The following SHISA9 variants were observed in gnomAD, a reference collection of about 807,000 sequenced individuals.
SHISA9 encodes shisa family member 9, also known as protein shisa-9.
SHISA9 carries 13 observed loss-of-function variants against 38.0 expected under a neutral mutation model. That is an observed-to-expected ratio of 0.34 (90% CI 0.22 to 0.54). SHISA9 has a LOEUF of 0.54. Among genes scored for constraint, SHISA9 ranks in the 20% least tolerant of loss-of-function variants. The pLI, the probability that SHISA9 is intolerant of heterozygous loss-of-function variation, is 0.91. For synonymous variants in SHISA9, 275 were observed against 242.0 expected, an observed-to-expected ratio of 1.14 and a Z score of -1.27; for missense variants, 538 against 575.8, an observed-to-expected ratio of 0.93 and a Z score of 0.67.
intron 2 of SHISA9, among the ~76,000 whole-genome samples, chr16:13,123,843 G>A (rs1230543464): frequency 6.6e-6 from 1 of 152,190 alleles, no homozygotes. Context: ...TGTATGAGCT[G>A]TGGGAACTGG....
intron 2 of SHISA9, among the ~76,000 whole-genome samples, chr16:12,960,242 G>C (rs1050604015): frequency 6.6e-6 from 1 of 152,112 alleles, no homozygotes; most frequent in East Asian, 1.9e-4. Flanking sequence ...AATGTCTAGC[G>C]TAGTGCCAGG....
the SHISA9 span, among the ~76,000 whole-genome samples, chr16:13,340,844 T>TCTG: frequency 6.6e-6 from 1 of 152,134 alleles, no homozygotes; most frequent in South Asian, 2.1e-4. Context: ...TGCTGTTCCT[T>TCTG]CTGCAGGGAA....
At chr16:13,381,906 A>C in the SHISA9 span, among the ~76,000 whole-genome samples, 6 of 152,230 alleles carry the variant, frequency 3.9e-5, no homozygotes, top group Admixed American at 3.3e-4. Flanking sequence ...AATGAATTTT[A>C]AAATAGGTAA....
the SHISA9 span, among the ~76,000 whole-genome samples, chr16:13,249,982 C>G: frequency 6.6e-6 from 1 of 152,190 alleles, no homozygotes; most frequent in Middle Eastern, 3.2e-3. Context: ...AATGCTTCCG[C>G]CTCGGTCTGC....
the SHISA9 span, among the ~76,000 whole-genome samples, chr16:13,359,458 A>G: frequency 6.6e-6 from 1 of 152,218 alleles, no homozygotes; most frequent in Non-Finnish European, 1.5e-5. Context: ...ATTCCTGCCT[A>G]GGTGACAGAG....
the SHISA9 span, among the ~76,000 whole-genome samples, chr16:13,382,830 C>T: frequency 6.6e-6 from 1 of 152,290 alleles, no homozygotes; most frequent in African/African-American, 2.4e-5. Flanking sequence ...TGCACTCCAG[C>T]CTGGGTGATA....
intron 2 of SHISA9, among the ~76,000 whole-genome samples, chr16:13,022,075 G>A (rs1043058579): frequency 1.3e-5 from 2 of 152,138 alleles, no homozygotes; most frequent in Non-Finnish European, 2.9e-5. Flanking sequence ...GCTTGTGGGT[G>A]CATAATTCCA....
intron 2 of SHISA9, among the ~76,000 whole-genome samples, chr16:13,193,894 G>A (rs548809533): frequency 1.3e-5 from 2 of 152,158 alleles, no homozygotes; most frequent in Non-Finnish European, 2.9e-5. Flanking sequence ...TTCTTAACTG[G>A]CTCAGCTGCC....
the SHISA9 span, among the ~76,000 whole-genome samples, chr16:13,341,166 A>G: frequency 6.6e-6 from 1 of 152,210 alleles, no homozygotes; most frequent in African/African-American, 2.4e-5. Flanking sequence ...GTAGATACTC[A>G]ATAAATACTT....
intron 2 of SHISA9, among the ~76,000 whole-genome samples, chr16:12,941,749 G>A (rs148623440): frequency 6.6e-6 from 1 of 152,164 alleles, no homozygotes; most frequent in Non-Finnish European, 1.5e-5. Flanking sequence ...TACTTGGGAG[G>A]CTGAGGCAGA....
At chr16:13,272,176 A>G in the SHISA9 span, among the ~76,000 whole-genome samples, 2 of 152,168 alleles carry the variant, frequency 1.3e-5, no homozygotes, top group African/African-American at 4.8e-5. Context: ...GAAGCATACA[A>G]TTGAAATGGG....
At chr16:13,012,323 A>G (rs12927790) in intron 2 of SHISA9, among the ~76,000 whole-genome samples, 12,049 of 152,068 alleles carry the variant, frequency 0.079, 634 homozygotes, top group East Asian at 0.27. Flanking sequence ...TGCAGAAGTG[A>G]CCTGGGAGAG....
chr16:13,252,187 C>G, the SHISA9 span, among the ~76,000 whole-genome samples: 3 of 152,210 alleles, frequency 2.0e-5, no homozygotes, highest in Non-Finnish European at 4.4e-5. Flanking sequence ...GTACTACTCA[C>G]CCCTTCACTC....
the SHISA9 span, among the ~76,000 whole-genome samples, chr16:13,389,037 C>T: frequency 7.7e-4 from 118 of 152,302 alleles, no homozygotes; most frequent in African/African-American, 2.6e-3. Context: ...CATCCCCCAC[C>T]AGAGCGGCAC....
At chr16:13,331,709 TCTC>T in the SHISA9 span, 1 of 152,190 alleles carries the variant, frequency 6.6e-6, no homozygotes, top group Non-Finnish European at 1.5e-5. Context: ...AAGGATGACT[TCTC>T]CTTTCCAGAT....
At chr16:13,409,724 A>C in the SHISA9 span, among the ~76,000 whole-genome samples, 1 of 152,214 alleles carries the variant, frequency 6.6e-6, no homozygotes, top group Non-Finnish European at 1.5e-5. Flanking sequence ...TGCAGCACCA[A>C]CTATCAGGAG....
At chr16:12,928,851 C>A (rs912122085) in intron 2 of SHISA9, among the ~76,000 whole-genome samples, 2 of 152,170 alleles carry the variant, frequency 1.3e-5, no homozygotes, top group African/African-American at 4.8e-5. Flanking sequence ...TCAAACAATT[C>A]TTTGATAATA....
chr16:13,407,205 A>G, the SHISA9 span, among the ~76,000 whole-genome samples: 1 of 152,248 alleles, frequency 6.6e-6, no homozygotes, highest in African/African-American at 2.4e-5. Context: ...CTGGAGGCCA[A>G]GAAGTCCTAG....
the SHISA9 span, among the ~76,000 whole-genome samples, chr16:13,438,627 A>G: frequency 6.6e-6 from 1 of 152,218 alleles, no homozygotes; most frequent in Non-Finnish European, 1.5e-5. Context: ...TCAAAAATGT[A>G]TGGGAGTTTG....
Sources: gnomAD v4.1 joint callset for allele counts (sites outside exome capture counted in the v4.1 genomes callset) on GRCh38, gnomAD v4.1.1 for gene constraint, MANE v1.5 for transcripts, NCBI Gene and HGNC (gene_info 2026-07-23, HGNC 2026-07-21) for gene names.